Variants in ULK4 observed in about 807,000 individuals in gnomAD.
ULK4 encodes the protein inactive serine/threonine-protein kinase ULK4.
A neutral mutation model predicts 160.6 loss-of-function variants in ULK4; 133 were observed. The observed-to-expected ratio is 0.83, with a 90% CI of 0.72 to 0.96. ULK4 has a LOEUF of 0.96. ULK4 is among the 40% of genes least tolerant of loss of function. The probability of loss-of-function intolerance (pLI) is 0.00; values close to 1 mark genes in which losing one functional copy is unlikely to be tolerated. For missense variants in ULK4, 1,580 were observed against 1,499.5 expected (o/e 1.05, Z -0.89); for synonymous variants, 534 against 539.8 (o/e 0.99, Z 0.15).
intron 32 of ULK4, among the ~76,000 whole-genome samples, chr3:41,562,497 A>G (rs12490331): frequency 6.6e-6 from 1 of 151,868 alleles, no homozygotes; most frequent in Non-Finnish European, 1.5e-5. Context: ...TGGGAGTCTA[A>G]GTCTGTTTGT....
chr3:41,938,728 ATG>A (rs1699860693), intron 2 of ULK4, among the ~76,000 whole-genome samples: 1 of 151,226 alleles, frequency 6.6e-6, no homozygotes, highest in Middle Eastern at 3.2e-3. Flanking sequence ...TAATACTCTT[ATG>A]TGTGTCTGTG....
rs2039080272 is a variant in ULK4, at chr3:41,764,148, G to A, written c.2194-9660C>T. Among the ~76,000 whole-genome samples the A allele has an allele frequency of 1.3e-5, 2 of 152,144 alleles. 1 individual carries two copies. The highest frequency in any genetic ancestry group is 4.8e-5 in the African/African-American group (2 of 41,432). On this transcript the variant is annotated intron_variant, in intron 21 of 36. Coordinates refer to ENST00000301831, the MANE Select transcript of ULK4 (RefSeq NM_017886.4). Reference sequence around the variant, plus strand: ...CAATAAACTGAGAAAATGAAAAAGTGTATAAATTTAAAGAAAATATAATCT... The same window carrying A: ...CAATAAACTGAGAAAATGAAAAAGTATATAAATTTAAAGAAAATATAATCT...
At chr3:41,768,884 T>C (rs1204170504) in intron 21 of ULK4, among the ~76,000 whole-genome samples, 1 of 152,194 alleles carries the variant, frequency 6.6e-6, no homozygotes, top group Non-Finnish European at 1.5e-5. Flanking sequence ...GTGAGGTATG[T>C]TACTGTATTT....
chr3:41,487,583 A>G (rs1039069), intron 32 of ULK4, among the ~76,000 whole-genome samples: 68,075 of 151,916 alleles, frequency 0.45, 15,825 homozygotes, highest in African/African-American at 0.57. Context: ...GTATAAACAG[A>G]GGTTTCAAAT....
chr3:41,856,033 G>T (rs1185075543), intron 17 of ULK4, among the ~76,000 whole-genome samples: 1 of 152,084 alleles, frequency 6.6e-6, no homozygotes, highest in East Asian at 1.9e-4. Flanking sequence ...TAAGAAATTA[G>T]AAAGCATGTC....
In ULK4 at chr3:41,912,551, A is replaced by G. The variant is rs79390152; in HGVS notation, c.896+256T>C. 7.6e-3 allele frequency among the ~76,000 whole-genome samples: 1,160 copies of G among 152,338 alleles called. 4 individuals are homozygous for G. Among genetic ancestry groups the G allele is most frequent in the Non-Finnish European group, 0.012 (848 of 68,030 alleles). On this transcript the variant is annotated intron_variant, in intron 9 of 36. Coordinates refer to ENST00000301831, the MANE Select transcript of ULK4 (RefSeq NM_017886.4). ...CCATTTACTTGGGAGGTGGGAAGCC[A>G]GATGTATTTGGTAACAGAACTAATG...
chr3:41,583,302 G>T (rs1472200772), intron 31 of ULK4, among the ~76,000 whole-genome samples: 5 of 152,166 alleles, frequency 3.3e-5, no homozygotes, highest in South Asian at 2.1e-4. Context: ...ATTTTATTAT[G>T]AGTTTGCCTC....
intron 34 of ULK4, among the ~76,000 whole-genome samples, chr3:41,405,814 G>GT (rs34201902): frequency 5.5e-4 from 82 of 149,502 alleles, no homozygotes; most frequent in South Asian, 1.5e-3. Flanking sequence ...TTTTTAATGA[G>GT]TTTTTTTTTT....
At chr3:41,529,254 C>T (rs531341893) in intron 32 of ULK4, among the ~76,000 whole-genome samples, 10 of 152,154 alleles carry the variant, frequency 6.6e-5, no homozygotes, top group East Asian at 3.9e-4. Context: ...TTCATTAAAA[C>T]GAGAAAAATT....
At chr3:41,709,599 A>G (rs2037020957) in intron 25 of ULK4, among the ~76,000 whole-genome samples, 1 of 152,052 alleles carries the variant, frequency 6.6e-6, no homozygotes, top group Non-Finnish European at 1.5e-5. Context: ...GTTGGCCAGG[A>G]TGGTCTCAAT....
intron 34 of ULK4, among the ~76,000 whole-genome samples, chr3:41,402,805 T>C (rs772106440): frequency 1.3e-5 from 2 of 152,176 alleles, no homozygotes; most frequent in Non-Finnish European, 2.9e-5. Flanking sequence ...GTAGTCTTTT[T>C]TGGAGAGGAC....
At chr3:41,432,064 T>G (rs961202271) in intron 34 of ULK4, among the ~76,000 whole-genome samples, 1 of 152,152 alleles carries the variant, frequency 6.6e-6, no homozygotes, top group Non-Finnish European at 1.5e-5. Context: ...GGACTATTTC[T>G]TTTTTATTGT....
chr3:41,336,214 C>A (rs1006695068), intron 35 of ULK4, among the ~76,000 whole-genome samples: 2 of 152,206 alleles, frequency 1.3e-5, no homozygotes. Flanking sequence ...CCAGGAAAAC[C>A]ATCACAACAA....
chr3:41,679,033 G>A (rs2035830264), intron 29 of ULK4, among the ~76,000 whole-genome samples: 1 of 152,112 alleles, frequency 6.6e-6, no homozygotes, highest in South Asian at 2.1e-4. Flanking sequence ...AAATGAATGT[G>A]TTACTTACAT....
At chr3:41,247,308 C>G (rs2078663609) in intron 36 of ULK4, among the ~76,000 whole-genome samples, 1 of 152,254 alleles carries the variant, frequency 6.6e-6, no homozygotes, top group Non-Finnish European at 1.5e-5. Context: ...GTGGGCCTGC[C>G]TGGCTCCTGC....
At chr3:41,662,833 C>A (rs952249668) in intron 30 of ULK4, among the ~76,000 whole-genome samples, 4 of 151,964 alleles carry the variant, frequency 2.6e-5, no homozygotes, top group Non-Finnish European at 5.9e-5. Flanking sequence ...AAAAACATCC[C>A]AGCAACTAGT....
intron 32 of ULK4, among the ~76,000 whole-genome samples, chr3:41,521,206 T>A (rs2085919910): frequency 6.6e-6 from 1 of 152,064 alleles, no homozygotes; most frequent in African/African-American, 2.4e-5. Context: ...CACTAAAATT[T>A]TAGTTTCTTT....
intron 19 of ULK4, among the ~76,000 whole-genome samples, chr3:41,808,220 T>C (rs902278087): frequency 6.6e-6 from 1 of 152,208 alleles, no homozygotes; most frequent in Non-Finnish European, 1.5e-5. Flanking sequence ...TTATTTCTTA[T>C]GAAGTTCTAA....
chr3:41,736,034 T>C (rs1443555588), intron 22 of ULK4, among the ~76,000 whole-genome samples: 1 of 151,804 alleles, frequency 6.6e-6, no homozygotes, highest in Non-Finnish European at 1.5e-5. Flanking sequence ...TCATTTTTTA[T>C]GGCTGTATAG....
Sources: allele counts gnomAD v4.1 joint callset (sites outside exome capture counted in the v4.1 genomes callset), GRCh38; gene constraint gnomAD v4.1.1; transcripts MANE v1.5; gene names NCBI Gene and HGNC (gene_info 2026-07-23, HGNC 2026-07-21).